PTPN22: variants seen among roughly 807,000 people sequenced by gnomAD.
PTPN22 encodes the protein protein tyrosine phosphatase non-receptor type 22, also known as tyrosine-protein phosphatase non-receptor type 22.
A neutral mutation model predicts 103.3 loss-of-function variants in PTPN22; 85 were observed. The ratio of observed to expected loss-of-function variants is 0.82; its 90% CI spans 0.69 to 0.99. The LOEUF (loss-of-function observed/expected upper bound fraction) is 0.99, where lower values mean the gene tolerates loss of function less well. Among genes scored for constraint, PTPN22 ranks in the 50% least tolerant of loss-of-function variants. The probability of loss-of-function intolerance (pLI) is 0.00; values close to 1 mark genes in which losing one functional copy is unlikely to be tolerated. For missense variants in PTPN22, 865 were observed against 936.9 expected (o/e 0.92, Z 1.00); for synonymous variants, 323 against 310.2 (o/e 1.04, Z -0.43).
exon 20 of PTPN22, chr1:113,819,632 T>A (rs1383152427): frequency 6.2e-7 from 1 of 1,602,548 alleles, no homozygotes; most frequent in East Asian, 2.2e-5. Context: ...CAGGCTTGTT[T>A]GGTGGGCAAG....
At chr1:113,847,523 G>A (rs1033053080) in intron 11 of PTPN22, among the ~76,000 whole-genome samples, 8 of 146,278 alleles carry the variant, frequency 5.5e-5, no homozygotes, top group Non-Finnish European at 1.1e-4. Context: ...ACTGAAATCT[G>A]GGTATTTTCA....
intron 7 of PTPN22, among the ~76,000 whole-genome samples, chr1:113,856,006 G>C (rs1665029923): frequency 6.6e-6 from 1 of 151,980 alleles, no homozygotes; most frequent in Non-Finnish European, 1.5e-5. Context: ...TTATAACAAT[G>C]GTCTCTTCTT....
chr1:113,871,752 C>A, upstream of PTPN22: 2 of 746,636 alleles, frequency 2.7e-6, no homozygotes, highest in Non-Finnish European at 4.6e-6. Flanking sequence ...CTGTGGTTTA[C>A]TGACTTCATC....
At chr1:113,834,980 C>G (rs765535869) in exon 14 of PTPN22, 3 of 1,560,038 alleles carry the variant, frequency 1.9e-6, no homozygotes, top group Non-Finnish European at 2.6e-6. Context: ...CATCATCTAT[C>G]CTTGGAGCAG....
chr1:113,855,874 G>A (rs1446353037), intron 7 of PTPN22, among the ~76,000 whole-genome samples: 1 of 152,210 alleles, frequency 6.6e-6, no homozygotes. Flanking sequence ...GCTGGGCAGG[G>A]CCTAGGGCAG....
At chr1:113,850,642 A>G (rs1457274997) in intron 10 of PTPN22, among the ~76,000 whole-genome samples, 1 of 152,200 alleles carries the variant, frequency 6.6e-6, no homozygotes, top group Non-Finnish European at 1.5e-5. Flanking sequence ...TATAGAAAAC[A>G]CCTACACTCA....
intron 18 of PTPN22, among the ~76,000 whole-genome samples, 193 bp from the exon 19 acceptor site, chr1:113,825,365 A>G (rs747737788): frequency 2.6e-5 from 4 of 152,150 alleles, no homozygotes; most frequent in Non-Finnish European, 4.4e-5. Context: ...CTTGCTATTT[A>G]TATCACCCAT....
intron 11 of PTPN22, 78 bp downstream of exon 11, chr1:113,848,462 C>A (rs1260044109): frequency 4.3e-5 from 69 of 1,598,178 alleles, no homozygotes; most frequent in Admixed American, 6.8e-5. Flanking sequence ...ATAGATAAAT[C>A]CTGCAACAAA....
chr1:113,814,921 G>A (rs748379056), exon 21 of PTPN22: 3 of 1,607,192 alleles, frequency 1.9e-6, no homozygotes, highest in Non-Finnish European at 2.6e-6. Flanking sequence ...ATTCCAAGTT[G>A]GTGGTGGATT....
intron 19 of PTPN22, among the ~76,000 whole-genome samples, chr1:113,821,175 C>G (rs1661567291): frequency 6.6e-6 from 1 of 152,018 alleles, no homozygotes; most frequent in South Asian, 2.1e-4. Context: ...TATATACATC[C>G]TTCAGAAAGA....
chr1:113,858,493 C>T lies in PTPN22; in HGVS notation c.354G>A (p.Trp118Ter), dbSNP rs140976677. The T allele has an allele frequency of 1.3e-6, 2 of 1,594,670 alleles. No homozygotes were observed. Among genetic ancestry groups the T allele is most frequent in the Non-Finnish European group, 1.7e-6 (2 of 1,164,456 alleles). Reference sequence around the variant, plus strand: ...CCATACTTACAAGGACACTATATTCCCAAATCATCCTCCAGAAGTCCAGGA... The same window carrying T: ...CCATACTTACAAGGACACTATATTCTCAAATCATCCTCCAGAAGTCCAGGA... Residue 118 changes from tryptophan (W) to a stop codon, truncating the protein, a stop_gained, in exon 4 of 21, where the codon TGG becomes TGA. Transcript: ENST00000359785. LOFTEE classifies it high-confidence loss of function.
chr1:113,822,279 A>G (rs1330975295), intron 19 of PTPN22, among the ~76,000 whole-genome samples: 6 of 152,222 alleles, frequency 3.9e-5, no homozygotes. Context: ...TTGTCACTCT[A>G]TAATTCATTC....
At chr1:113,855,130 G>T in intron 7 of PTPN22, 81 bp from the exon 8 acceptor site, 1 of 1,266,530 alleles carries the variant, frequency 7.9e-7, no homozygotes, top group Non-Finnish European at 1.1e-6. Flanking sequence ...CACTACCTGG[G>T]TGATGGGATT....
chr1:113,854,684 C>T, intron 8 of PTPN22, 147 bp from the exon 9 acceptor site: 2 of 992,758 alleles, frequency 2.0e-6, no homozygotes, highest in South Asian at 1.6e-5. Flanking sequence ...TTTCCCAGAG[C>T]CCATTTGTCA....
chr1:113,836,938 T>C (rs4026611), intron 13 of PTPN22, among the ~76,000 whole-genome samples: 2 of 151,776 alleles, frequency 1.3e-5, no homozygotes, highest in Non-Finnish European at 2.9e-5. Context: ...AAAATATTTT[T>C]AAAAAACAGT....
At position 113,857,507 on chromosome 1, in the gene PTPN22, C is replaced by T. The variant is rs1571448953; in HGVS notation, c.408+231G>A. ...GCAAGTGATTTGTTAATCTTAAAAG[C>T]ATACCTTGTTTTTAACTGTAAAACA... is the stretch of plus-strand genomic sequence containing the variant. On this transcript the variant is annotated intron_variant, in intron 5 of 20. Coordinates refer to ENST00000359785, the Ensembl canonical transcript of PTPN22. The T allele has an allele frequency of 1.2e-5, 5 of 430,318 alleles. No homozygotes were observed. The East Asian group carries it at 2.1e-4, about 18-fold the overall frequency. The allele number at this position is 430,318 out of a possible 1,614,324, so 26.7% of individuals were successfully genotyped here. A position where few individuals can be genotyped will look rare whatever the true frequency, so the allele number is the denominator to read the frequency against.
At chr1:113,850,624 A>G (rs1403953021) in intron 10 of PTPN22, among the ~76,000 whole-genome samples, 1 of 152,216 alleles carries the variant, frequency 6.6e-6, no homozygotes, top group Non-Finnish European at 1.5e-5. Context: ...TCTCCCTCAC[A>G]GGTTGAATAT....
Position 113,838,326 on chromosome 1 carries a change from AGTCCT to A in PTPN22, c.1069_1073del (p.Arg357PhefsTer2). 1 of 1,609,086 alleles carries A rather than the reference AGTCCT, an allele frequency of 6.2e-7. No homozygotes were observed. Among genetic ancestry groups the A allele is most frequent in the East Asian group, 2.2e-5 (1 of 44,836 alleles). ...GCTCTTCTTTTGCACTTATTTCAGA[AGTCCT>A]AAAGTCAAAGGAAGAAGATTCTTTG... On this transcript the variant is annotated frameshift_variant, in exon 13 of 21. Transcript: ENST00000359785. LOFTEE classifies it high-confidence loss of function.
chr1:113,830,749 T>C (rs777701925), intron 16 of PTPN22, among the ~76,000 whole-genome samples: 15 of 152,180 alleles, frequency 9.9e-5, no homozygotes, highest in Non-Finnish European at 1.9e-4. Context: ...GGACATATTT[T>C]CCCATGATGT....
Sources: allele counts gnomAD v4.1 joint callset (sites outside exome capture counted in the v4.1 genomes callset), GRCh38; gene constraint gnomAD v4.1.1; transcripts MANE v1.5; gene names NCBI Gene and HGNC (gene_info 2026-07-23, HGNC 2026-07-21).